Variants in RORA observed in about 807,000 individuals in gnomAD.
RORA encodes the protein RAR related orphan receptor A, also known as nuclear receptor ROR-alpha.
Under a neutral mutation model 69.5 loss-of-function variants are expected in RORA, and 7 were observed. That is an observed-to-expected ratio of 0.10 (90% CI 0.06 to 0.19). The LOEUF (loss-of-function observed/expected upper bound fraction) is 0.19. Among genes scored for constraint, RORA ranks in the 10% least tolerant of loss-of-function variants. RORA has a pLI of 1.00. For missense variants in RORA, 457 were observed against 663.0 expected (o/e 0.69, Z 3.41); for synonymous variants, 261 against 240.8 (o/e 1.08, Z -0.78).
chr15:61,166,003 G>A (rs1887402140), intron 1 of RORA, among the ~76,000 whole-genome samples: 1 of 152,126 alleles, frequency 6.6e-6, no homozygotes, highest in Non-Finnish European at 1.5e-5. Flanking sequence ...GCTCGATGTG[G>A]GACTCTGAAA....
chr15:60,764,214 A>C (rs1490716525), intron 1 of RORA: 2 of 152,104 alleles, frequency 1.3e-5, no homozygotes, highest in Non-Finnish European at 2.9e-5. Context: ...CATCTGGACC[A>C]CATGAAAAAA....
intron 1 of RORA, among the ~76,000 whole-genome samples, chr15:60,793,591 A>G (rs1425942906): frequency 2.0e-5 from 3 of 152,212 alleles, no homozygotes; most frequent in Admixed American, 2.0e-4. Context: ...CCATATCAGA[A>G]TGTGCTTAGT....
At chr15:61,070,407 A>G (rs1316386041) in intron 1 of RORA, among the ~76,000 whole-genome samples, 1 of 152,244 alleles carries the variant, frequency 6.6e-6, no homozygotes, top group Non-Finnish European at 1.5e-5. Flanking sequence ...CAGGTATGGT[A>G]GAAGAGACCC....
chr15:60,910,926 G>A lies in RORA; in HGVS notation c.167-232240C>T, dbSNP rs182866394. ...TGGGTTTTTTTTTTTTTTTTGAGAT[G>A]GAGTTTTGCTATTGTTGCCCAAGCT... On this transcript the variant is annotated intron_variant, in intron 1 of 10. Coordinates refer to ENST00000335670, the MANE Select transcript of RORA (RefSeq NM_134261.3). 1.4e-3 allele frequency among the ~76,000 whole-genome samples: 186 copies of A among 131,108 alleles called. 1 individual carries two copies. The highest frequency in any genetic ancestry group is 4.3e-3 in the African/African-American group (149 of 34,458). The allele number at this position is 131,108 out of a possible 152,430, so 86.0% of individuals were successfully genotyped here. A position where few individuals can be genotyped will look rare whatever the true frequency, so the allele number is the denominator to read the frequency against.
In RORA at chr15:60,798,739, G is replaced by T. The variant is rs542001879; in HGVS notation, c.167-120053C>A. ...CAGACAGATCCAGGTCTGAAAGCCAGACCTTGCTACTTATTAGCTGTGCAA... is the reference window on the plus strand; with the variant it reads ...CAGACAGATCCAGGTCTGAAAGCCATACCTTGCTACTTATTAGCTGTGCAA... On this transcript the variant is annotated intron_variant, in intron 1 of 10. Transcript: ENST00000335670. Among the ~76,000 whole-genome samples the T allele has an allele frequency of 3.9e-5, 6 of 152,226 alleles. No individual in the cohort carries two copies. The South Asian group carries it at 1.2e-3, about 32-fold the overall frequency.
chr15:60,551,974 T>A (rs895747757), intron 2 of RORA, among the ~76,000 whole-genome samples: 1 of 152,164 alleles, frequency 6.6e-6, no homozygotes, highest in Admixed American at 6.5e-5. Flanking sequence ...CCGAGGCTCT[T>A]TTATCAGTGT....
chr15:61,004,385 T>A (rs2140384370), intron 1 of RORA, among the ~76,000 whole-genome samples: 1 of 151,992 alleles, frequency 6.6e-6, no homozygotes, highest in Non-Finnish European at 1.5e-5. Context: ...AATGTTTTTT[T>A]TTTTTTTCAT....
chr15:60,540,148 G>C (rs754664555), intron 2 of RORA, among the ~76,000 whole-genome samples: 1 of 152,126 alleles, frequency 6.6e-6, no homozygotes, highest in Non-Finnish European at 1.5e-5. Flanking sequence ...CTGACTCACA[G>C]AACTGCATAC....
At chr15:61,023,539 G>A (rs1895651495) in intron 1 of RORA, among the ~76,000 whole-genome samples, 1 of 152,194 alleles carries the variant, frequency 6.6e-6, no homozygotes, top group African/African-American at 2.4e-5. Context: ...TACAGTTCCA[G>A]ATGAGATTTG....
At chr15:61,218,450 C>T (rs2080062549) in intron 1 of RORA, among the ~76,000 whole-genome samples, 1 of 151,998 alleles carries the variant, frequency 6.6e-6, no homozygotes, top group Admixed American at 6.6e-5. Context: ...GAATCAGTTC[C>T]TTCAAAGGAT....
intron 1 of RORA, among the ~76,000 whole-genome samples, chr15:60,759,244 G>C (rs1258466054): frequency 6.6e-6 from 1 of 152,186 alleles, no homozygotes; most frequent in Non-Finnish European, 1.5e-5. Context: ...ACACTGAAGA[G>C]TCCTGCCTTA....
chr15:61,011,020 T>C (rs993669834), intron 1 of RORA, among the ~76,000 whole-genome samples: 14 of 152,208 alleles, frequency 9.2e-5, no homozygotes, highest in African/African-American at 3.4e-4. Flanking sequence ...TATTACTTCA[T>C]GATATAAAAA....
intron 1 of RORA, among the ~76,000 whole-genome samples, chr15:61,030,181 G>C (rs954061868): frequency 2.0e-5 from 3 of 152,150 alleles, no homozygotes; most frequent in African/African-American, 7.2e-5. Context: ...AAAGAGACCT[G>C]ACAACTAGAT....
chr15:60,731,113 A>G (rs917610638), intron 1 of RORA, among the ~76,000 whole-genome samples: 32 of 152,210 alleles, frequency 2.1e-4, no homozygotes, highest in African/African-American at 7.2e-4. Context: ...TAAGCAGGAA[A>G]GCAGCCCAGC....
chr15:60,721,111 G>A (rs1293710068), intron 1 of RORA, among the ~76,000 whole-genome samples: 1 of 152,164 alleles, frequency 6.6e-6, no homozygotes, highest in African/African-American at 2.4e-5. Context: ...CTGGGGTAAC[G>A]ATGCCTTCGT....
intron 1 of RORA, among the ~76,000 whole-genome samples, chr15:60,931,826 T>C (rs933880983): frequency 6.6e-6 from 1 of 152,218 alleles, no homozygotes; most frequent in Non-Finnish European, 1.5e-5. Flanking sequence ...GTTGGCTGAG[T>C]TCTCCAGCTA....
At chr15:61,017,024 T>C (rs780823966) in intron 1 of RORA, among the ~76,000 whole-genome samples, 4 of 152,210 alleles carry the variant, frequency 2.6e-5, no homozygotes, top group Non-Finnish European at 5.9e-5. Context: ...ACCATTATTA[T>C]TATTATTATC....
At chr15:61,211,209 C>T (rs1396164688) in intron 1 of RORA, among the ~76,000 whole-genome samples, 2 of 151,190 alleles carry the variant, frequency 1.3e-5, no homozygotes, top group Admixed American at 6.6e-5. Flanking sequence ...TGGCCACCAA[C>T]GTCCTGAACA....
Position 60,597,605 on chromosome 15 carries a change from T to C in RORA, c.197-65754A>G, listed in dbSNP as rs1418010387. Among the ~76,000 whole-genome samples the C allele has an allele frequency of 1.5e-3, 68 of 44,520 alleles. 3 individuals are homozygous for C. The highest frequency in any genetic ancestry group is 6.9e-3 in the African/African-American group (61 of 8,900). The allele number at this position is 44,520 out of a possible 152,430, so 29.2% of individuals were successfully genotyped here. A position where few individuals can be genotyped will look rare whatever the true frequency, so the allele number is the denominator to read the frequency against. Reference sequence around the variant, plus strand: ...ATATATATATATATACACATATATATATATATATATATACATACATATATA... The same window carrying C: ...ATATATATATATATACACATATATACATATATATATATACATACATATATA... On this transcript the variant is annotated intron_variant, in intron 2 of 10. Coordinates refer to ENST00000335670, the MANE Select transcript of RORA (RefSeq NM_134261.3).
Sources: gnomAD v4.1 joint callset for allele counts (sites outside exome capture counted in the v4.1 genomes callset) on GRCh38, gnomAD v4.1.1 for gene constraint, MANE v1.5 for transcripts, NCBI Gene and HGNC (gene_info 2026-07-23, HGNC 2026-07-21) for gene names.